CPS1: variants seen among roughly 807,000 people sequenced by gnomAD.
The protein encoded by CPS1 is carbamoyl-phosphate synthase [ammonia], mitochondrial.
In CPS1, 109 loss-of-function variants were observed where a neutral mutation model predicts 174.6. That is an observed-to-expected ratio of 0.62 (90% CI 0.53 to 0.73). The LOEUF (loss-of-function observed/expected upper bound fraction) is 0.73, where lower values mean the gene tolerates loss of function less well. Ranked by LOEUF, CPS1 falls within the 30% of genes least tolerant of loss-of-function variation. CPS1 has a pLI of 0.00. For missense variants in CPS1, 1,689 were observed against 1,821.9 expected (o/e 0.93, Z 1.33); for synonymous variants, 637 against 632.0 (o/e 1.01, Z -0.12).
intron 7 of CPS1, among the ~76,000 whole-genome samples, chr2:210,589,312 A>G (rs1698210153): frequency 6.6e-6 from 1 of 152,076 alleles, no homozygotes; most frequent in Non-Finnish European, 1.5e-5. Flanking sequence ...GTTTCAGGAA[A>G]TGCTTCATGG....
chr2:210,556,258 C>A, upstream of CPS1: 1 of 437,686 alleles, frequency 2.3e-6, no homozygotes. Flanking sequence ...AAGCGTTCAG[C>A]TTTCTTTGGG....
chr2:210,658,022 C>T (rs1047708182), intron 30 of CPS1, among the ~76,000 whole-genome samples: 1 of 152,162 alleles, frequency 6.6e-6, no homozygotes, highest in Admixed American at 6.5e-5. Context: ...ATCAATGCCC[C>T]CTCTTGGTAT....
intron 28 of CPS1, among the ~76,000 whole-genome samples, 158 bp from the exon 29 acceptor site, chr2:210,653,867 C>A (rs1432969250): frequency 6.6e-6 from 1 of 152,318 alleles, no homozygotes; most frequent in Admixed American, 6.5e-5. Flanking sequence ...CTTGTTCTTA[C>A]AGCACAGATT....
intron 1 of CPS1, among the ~76,000 whole-genome samples, chr2:210,502,010 A>G (rs1396426395): frequency 6.6e-6 from 1 of 152,138 alleles, no homozygotes; most frequent in Non-Finnish European, 1.5e-5. Context: ...CAATTATGGC[A>G]GGAGGCACCT....
chr2:210,564,611 T>C (rs902703079), intron 1 of CPS1, among the ~76,000 whole-genome samples: 3 of 151,980 alleles, frequency 2.0e-5, no homozygotes, highest in East Asian at 1.9e-4. Flanking sequence ...CTCCTGACCT[T>C]GTGATCCGCC....
intron 21 of CPS1, among the ~76,000 whole-genome samples, chr2:210,628,565 G>C (rs1699762428): frequency 6.6e-6 from 1 of 152,146 alleles, no homozygotes; most frequent in East Asian, 1.9e-4. Flanking sequence ...TTTTTAGGAG[G>C]CTGAGACAGG....
intron 1 of CPS1, chr2:210,477,855 T>A: frequency 7.1e-7 from 1 of 1,412,870 alleles, no homozygotes; most frequent in Non-Finnish European, 9.9e-7. Flanking sequence ...ACGAGAGACA[T>A]TTTATCAATT....
At chr2:210,661,910 T>TG (rs1700935492) in intron 32 of CPS1, among the ~76,000 whole-genome samples, 1 of 145,550 alleles carries the variant, frequency 6.9e-6, no homozygotes, top group African/African-American at 2.6e-5. Context: ...ATGCTTTTTT[T>TG]TTTTTTTTTT....
intron 6 of CPS1, among the ~76,000 whole-genome samples, chr2:210,583,467 C>T (rs1216639104): frequency 6.6e-6 from 1 of 152,020 alleles, no homozygotes; most frequent in Non-Finnish European, 1.5e-5. Flanking sequence ...CATGGGGCAG[C>T]ATTGAAATGG....
intron 1 of CPS1, among the ~76,000 whole-genome samples, chr2:210,495,216 C>T (rs79113998): frequency 0.013 from 2,020 of 152,118 alleles, 38 homozygotes; most frequent in African/African-American, 0.046. Context: ...TCTTATGCAG[C>T]GCAAAATTTT....
chr2:210,484,649 C>G (rs1012010783), intron 1 of CPS1, among the ~76,000 whole-genome samples: 10 of 152,186 alleles, frequency 6.6e-5, no homozygotes, highest in Non-Finnish European at 1.2e-4. Context: ...ATGCCAGAAC[C>G]ACCTATCATG....
In CPS1 at chr2:210,590,830, T is replaced by C; in HGVS notation, c.871T>C (p.Phe291Leu). 6.2e-7 allele frequency: 1 copy of C among 1,611,186 alleles called. No homozygotes were observed. The highest frequency in any genetic ancestry group is 8.5e-7 in the Non-Finnish European group (1 of 1,178,102). Residue 291 changes from phenylalanine to leucine, a missense_variant, in exon 9 of 38, where the codon TTT (phenylalanine) becomes CTT (leucine). By Grantham distance (22) the Phe-to-Leu change is conservative (BLOSUM62 0). Transcript: ENST00000233072. The stretch of plus-strand genomic sequence containing the variant: ...GGAGAGTGATCGCAAGGAGCCATTG[T>C]TTGGAATCAGTACAGGAAACTTAAT... ...ILESDRKEPL[F>L]GISTGNLITG...
intron 1 of CPS1, among the ~76,000 whole-genome samples, chr2:210,538,810 C>G (rs1414569066): frequency 6.6e-6 from 1 of 151,966 alleles, no homozygotes; most frequent in Non-Finnish European, 1.5e-5. Flanking sequence ...GTTTCAGTAA[C>G]ATGAGCAGTG....
At chr2:210,580,858 CAAAA>C (rs369186272) in intron 5 of CPS1, among the ~76,000 whole-genome samples, 7 of 95,296 alleles carry the variant, frequency 7.3e-5, no homozygotes, top group Admixed American at 1.2e-4. Flanking sequence ...GACCCTGTCT[CAAAA>C]AAAAAAAAAA....
intron 1 of CPS1, among the ~76,000 whole-genome samples, chr2:210,490,757 G>T (rs556755014): frequency 1.3e-5 from 2 of 152,192 alleles, no homozygotes; most frequent in Non-Finnish European, 1.5e-5. Context: ...ATCAAACTGG[G>T]ATCTAAAATA....
At chr2:210,598,367 A>T (rs1698570700) in intron 13 of CPS1, among the ~76,000 whole-genome samples, 1 of 151,850 alleles carries the variant, frequency 6.6e-6, no homozygotes, top group Non-Finnish European at 1.5e-5. Flanking sequence ...ATCAATACTA[A>T]CCTTGAATAT....
At chr2:210,568,229 A>G (rs891984253) in intron 1 of CPS1, among the ~76,000 whole-genome samples, 2 of 152,136 alleles carry the variant, frequency 1.3e-5, no homozygotes, top group African/African-American at 4.8e-5. Flanking sequence ...AGGAAGCAGT[A>G]CCAGGATGTA....
rs116629898 is a variant in CPS1 at position 210,588,681 on chromosome 2, C to T, written c.711+534C>T. ...TAAAGTTTTGTTAGGATTTTTCCTT[C>T]TCCTCACTCCTCTCTCAGTCTGTCT... On this transcript the variant is annotated intron_variant, in intron 7 of 37. Transcript: ENST00000233072. Among the ~76,000 whole-genome samples, 1,147 of 152,118 alleles carry T rather than the reference C, an allele frequency of 7.5e-3. 20 individuals carry two copies. The highest frequency in any genetic ancestry group is 0.025 in the African/African-American group (1,045 of 41,518).
intron 1 of CPS1, among the ~76,000 whole-genome samples, chr2:210,536,593 TG>T (rs984186364): frequency 2.0e-5 from 3 of 152,192 alleles, no homozygotes; most frequent in Non-Finnish European, 2.9e-5. Context: ...CCCAAAGTGC[TG>T]GGATTACAGG....
Sources: gnomAD v4.1 joint callset for allele counts (sites outside exome capture counted in the v4.1 genomes callset) on GRCh38, gnomAD v4.1.1 for gene constraint, MANE v1.5 for transcripts, NCBI Gene and HGNC (gene_info 2026-07-23, HGNC 2026-07-21) for gene names.